The following ARHGAP23 variants were observed in gnomAD, a reference collection of about 807,000 sequenced individuals.
ARHGAP23 encodes Rho GTPase activating protein 23, also known as rho GTPase-activating protein 23.
In ARHGAP23, 34 loss-of-function variants were observed where a neutral mutation model predicts 136.3. That is an observed-to-expected ratio of 0.25 (90% CI 0.19 to 0.33). The LOEUF is 0.33. Ranked by LOEUF, ARHGAP23 falls within the 10% of genes least tolerant of loss-of-function variation. ARHGAP23 has a pLI of 1.00. For synonymous variants in ARHGAP23, 832 were observed against 920.5 expected, an observed-to-expected ratio of 0.90 and a Z score of 1.74; for missense variants, 1,808 against 2,139.0, an observed-to-expected ratio of 0.85 and a Z score of 3.05.
intron 1 of ARHGAP23, among the ~76,000 whole-genome samples, chr17:38,443,514 C>T (rs1458686162): frequency 1.3e-5 from 2 of 152,166 alleles, no homozygotes; most frequent in Non-Finnish European, 2.9e-5. Context: ...CAGGGGGCTC[C>T]CTCATGGTAG....
chr17:38,456,669 G>A (rs1195429196), intron 1 of ARHGAP23, among the ~76,000 whole-genome samples: 3 of 152,160 alleles, frequency 2.0e-5, no homozygotes, highest in Non-Finnish European at 4.4e-5. Context: ...CTTCTCCGTG[G>A]CTCCCATCTT....
At chr17:38,489,726 G>C (rs115291774) in intron 17 of ARHGAP23, 43,730 of 220,442 alleles carry the variant, frequency 0.2, 4,700 homozygotes, top group East Asian at 0.34. Context: ...AATCCTTGGT[G>C]GAGGCTGTCT....
intron 23 of ARHGAP23, among the ~76,000 whole-genome samples, chr17:38,509,585 T>G (rs1246955666): frequency 2.6e-5 from 4 of 152,116 alleles, no homozygotes; most frequent in African/African-American, 9.7e-5. Context: ...GGGGCGTGTG[T>G]GAAACGGATT....
At position 38,510,145 on chromosome 17, in the gene ARHGAP23, C is replaced by T; in HGVS notation, c.3649C>T (p.Leu1217=). ...PGTQERPQGP[L]PGAVAPEAPG... ...GACTCAGGAGCGGCCGCAGGGGCCG[C>T]TGCCTGGCGCCGTCGCCCCCGAGGC... is the stretch of plus-strand genomic sequence containing the variant. The change falls in exon 24 of 24, where the codon CTG becomes TTG. Residue 1217 remains leucine, a synonymous_variant. Transcript: ENST00000622683. The surrounding 1 kb of genome is among the most constrained non-coding windows in gnomAD (Gnocchi z 4.6). 7.8e-7 allele frequency: 1 copy of T among 1,274,594 alleles called. No individual in the cohort carries two copies. The highest frequency in any genetic ancestry group is 9.8e-7 in the Non-Finnish European group (1 of 1,017,730). The allele number at this position is 1,274,594 out of a possible 1,614,324, so 79.0% of individuals were successfully genotyped here.
At chr17:38,480,794 A>T (rs1253321355) in intron 14 of ARHGAP23, among the ~76,000 whole-genome samples, 1 of 134,268 alleles carries the variant, frequency 7.4e-6, no homozygotes, top group African/African-American at 2.8e-5. Flanking sequence ...ACAGAGTGAG[A>T]CCCTGTCTCA....
intron 7 of ARHGAP23, among the ~76,000 whole-genome samples, chr17:38,468,921 G>A (rs1373950834): frequency 6.6e-6 from 1 of 152,180 alleles, no homozygotes; most frequent in African/African-American, 2.4e-5. Flanking sequence ...CTGGAGCCCG[G>A]TCTAAGGAGG....
chr17:38,509,169 G>T (rs989571082), intron 23 of ARHGAP23, among the ~76,000 whole-genome samples: 1 of 152,098 alleles, frequency 6.6e-6, no homozygotes, highest in African/African-American at 2.4e-5. Flanking sequence ...AGTGTGAAAG[G>T]CCAAGGCCCC....
chr17:38,490,263 A>G (rs557904283), intron 18 of ARHGAP23, 88 bp downstream of exon 18: 388 of 1,368,018 alleles, frequency 2.8e-4, no homozygotes, highest in Non-Finnish European at 3.7e-4. Context: ...GGTGCTGCCC[A>G]CGACCCCTGT....
chr17:38,473,487 G>A (rs111863806), intron 11 of ARHGAP23, among the ~76,000 whole-genome samples: 1,622 of 152,244 alleles, frequency 0.011, 14 homozygotes, highest in Middle Eastern at 0.088. Flanking sequence ...AAGTCGAGGC[G>A]GGACTGGCGC....
At chr17:38,467,616 C>T (rs2039643099) in intron 7 of ARHGAP23, among the ~76,000 whole-genome samples, 1 of 152,162 alleles carries the variant, frequency 6.6e-6, no homozygotes, top group Non-Finnish European at 1.5e-5. Context: ...ATCCATCCAT[C>T]CATCCATCAT....
In ARHGAP23 at chr17:38,462,841, A is replaced by G. The variant is rs2039493092; in HGVS notation, c.254-5A>G. The G allele has an allele frequency of 6.6e-7, 1 of 1,512,344 alleles. No homozygotes were observed. The highest frequency in any genetic ancestry group is 2.5e-5 in the Admixed American group (1 of 39,242). 93.7% of individuals were successfully genotyped at this position (1,512,344 alleles called of 1,614,324 possible). A position where few individuals can be genotyped will look rare whatever the true frequency, so the allele number is the denominator to read the frequency against. Reference sequence around the variant, plus strand: ...CCCCCAGCTAACCTGGCTGATGCCCACTAGGACCCTCCCCCCGGTACCGCC... The same window carrying G: ...CCCCCAGCTAACCTGGCTGATGCCCGCTAGGACCCTCCCCCCGGTACCGCC... On this transcript the variant is annotated splice_region_variant and splice_polypyrimidine_tract_variant and intron_variant, in intron 3 of 23. Coordinates refer to ENST00000622683, the MANE Select transcript of ARHGAP23 (RefSeq NM_001199417.2).
At chr17:38,465,804 C>T (rs1047468429) in intron 6 of ARHGAP23, among the ~76,000 whole-genome samples, 67 of 151,448 alleles carry the variant, frequency 4.4e-4, no homozygotes, top group African/African-American at 1.6e-3. Context: ...CGGCTCCACC[C>T]GAGGAGCTTT....
chr17:38,511,049 C>T lies in ARHGAP23; in HGVS notation c.*77C>T, dbSNP rs1021400139. On this transcript the variant is annotated 3_prime_UTR_variant, in exon 24 of 24. Coordinates refer to ENST00000622683, the MANE Select transcript of ARHGAP23 (RefSeq NM_001199417.2). Reference sequence around the variant, plus strand: ...AACCAGGAGGCTTCACCAGCCTGCACCTCCTCTTCTGTGGCCCCTGGGTGC... The same window carrying T: ...AACCAGGAGGCTTCACCAGCCTGCATCTCCTCTTCTGTGGCCCCTGGGTGC... 2.8e-5 allele frequency: 37 copies of T among 1,337,624 alleles called. No homozygotes were observed. The highest frequency in any genetic ancestry group is 1.2e-4 in the Admixed American group (3 of 25,446). The allele number at this position is 1,337,624 out of a possible 1,614,324, so 82.9% of individuals were successfully genotyped here. A position where few individuals can be genotyped will look rare whatever the true frequency, so the allele number is the denominator to read the frequency against.
At position 38,498,399 on chromosome 17, in the gene ARHGAP23, T is replaced by C. The variant is rs1198428961; in HGVS notation, c.3319-15T>C. 1 of 1,540,976 alleles carries C rather than the reference T, an allele frequency of 6.5e-7. No homozygotes were observed. Among genetic ancestry groups the C allele is most frequent in the Non-Finnish European group, 8.8e-7 (1 of 1,141,752 alleles). On this transcript the variant is annotated splice_polypyrimidine_tract_variant and intron_variant, in intron 21 of 23. Coordinates refer to ENST00000622683, the MANE Select transcript of ARHGAP23 (RefSeq NM_001199417.2). ...ATCTGAGGGCATGCCAGCTGACCCC[T>C]CCTCCTGTTCGCAGACCCCTGTGGG...
At chr17:38,443,911 G>A (rs567924902) in intron 1 of ARHGAP23, among the ~76,000 whole-genome samples, 17 of 152,166 alleles carry the variant, frequency 1.1e-4, no homozygotes, top group Non-Finnish European at 1.8e-4. Flanking sequence ...GGGGCGGGGG[G>A]CAGGCGGAGT....
At chr17:38,453,448 TGTGTGTGTGTGTGC>T (rs1414814459) in intron 1 of ARHGAP23, among the ~76,000 whole-genome samples, 23 of 135,138 alleles carry the variant, frequency 1.7e-4, no homozygotes, top group African/African-American at 5.1e-4. Context: ...TGTGTGTGTG[TGTGTGTGTGTGTGC>T]GCGCGCGCGC....
chr17:38,434,986 T>C (rs2038764257), intron 1 of ARHGAP23, among the ~76,000 whole-genome samples: 1 of 152,162 alleles, frequency 6.6e-6, no homozygotes, highest in African/African-American at 2.4e-5. Context: ...AGGAACTCTG[T>C]ATTGTTCCTG....
intron 23 of ARHGAP23, among the ~76,000 whole-genome samples, chr17:38,509,560 G>A (rs2040707550): frequency 6.6e-6 from 1 of 152,138 alleles, no homozygotes; most frequent in African/African-American, 2.4e-5. Flanking sequence ...AGGAAGCTCT[G>A]GTGATGACAC....
intron 21 of ARHGAP23, 113 bp downstream of exon 21, chr17:38,497,939 GCTTC>G: frequency 8.8e-7 from 1 of 1,130,286 alleles, no homozygotes; most frequent in Non-Finnish European, 1.3e-6. Context: ...TGTCCTTGAG[GCTTC>G]CCTCAAGTCT....
Sources: allele counts gnomAD v4.1 joint callset (sites outside exome capture counted in the v4.1 genomes callset), GRCh38; gene constraint gnomAD v4.1.1; non-coding constraint Gnocchi (gnomAD v3.1); transcripts MANE v1.5; gene names NCBI Gene and HGNC (gene_info 2026-07-23, HGNC 2026-07-21).